OR2J3: variants seen among roughly 807,000 people sequenced by gnomAD.
The protein encoded by OR2J3 is olfactory receptor 2J3.
In OR2J3, 13 loss-of-function variants were observed where a neutral mutation model predicts 18.5. The observed-to-expected ratio is 0.70, with a 90% CI of 0.46 to 1.12. The LOEUF (loss-of-function observed/expected upper bound fraction) is 1.12. Ranked by LOEUF, OR2J3 falls within the 50% of genes most tolerant of loss-of-function variation. The probability of loss-of-function intolerance (pLI) is 0.00; values close to 1 mark genes in which losing one functional copy is unlikely to be tolerated. For synonymous variants in OR2J3, 142 were observed against 140.6 expected, an observed-to-expected ratio of 1.01 and a Z score of -0.07; for missense variants, 321 against 371.6, an observed-to-expected ratio of 0.86 and a Z score of 1.12.
At position 29,112,456 on chromosome 6, in the gene OR2J3, G is replaced by A. The variant is rs754215512; in HGVS notation, c.566G>A (p.Arg189Gln). 8.7e-6 allele frequency: 14 copies of A among 1,614,058 alleles called. No individual in the cohort carries two copies. The highest frequency in any genetic ancestry group is 1.7e-5 in the Admixed American group (1 of 60,008). The change falls in exon 4 of 4, where the codon CGA becomes CAA. Residue 189 changes from arginine to glutamine, a missense_variant. By Grantham distance (43) the Arg-to-Gln change is conservative. Transcript: ENST00000641151. ...HFFCEVPALLRLSCVDTHVNE... is the reference protein window; with the variant it reads ...HFFCEVPALLQLSCVDTHVNE... ...TTCTGTGAAGTTCCAGCACTTCTGC[G>A]ATTATCGTGTGTTGATACCCATGTC...
intron 3 of OR2J3, among the ~76,000 whole-genome samples, chr6:29,111,385 A>G (rs1762119794): frequency 6.6e-6 from 1 of 152,264 alleles, no homozygotes; most frequent in African/African-American, 2.4e-5. Context: ...CAGGCTCATG[A>G]TGTTGGTTTG....
In OR2J3 at chr6:29,112,888, T is replaced by C; in HGVS notation, c.*62T>C. 2.6e-6 allele frequency: 4 copies of C among 1,510,096 alleles called. No homozygotes were observed. Among genetic ancestry groups the C allele is most frequent in the Non-Finnish European group, 3.5e-6 (4 of 1,132,754 alleles). The allele number at this position is 1,510,096 out of a possible 1,614,324, so 93.5% of individuals were successfully genotyped here. On this transcript the variant is annotated 3_prime_UTR_variant, in exon 4 of 4. Transcript: ENST00000641151. ...CTCCCCTCACAATGATTCATCCTTC[T>C]ATTTATTTATCAACCATTCTTTTAT... is the stretch of plus-strand genomic sequence containing the variant.
Position 29,112,633 on chromosome 6 carries a change from T to A in OR2J3, c.743T>A (p.Leu248His), listed in dbSNP as rs751615695. ...QKVFGTCGAHLMAVSLFFIPA... is the reference protein window; with the variant it reads ...QKVFGTCGAHHMAVSLFFIPA... ...GTGTTTGGAACATGTGGAGCTCATC[T>A]TATGGCTGTATCTCTCTTTTTCATT... is the stretch of plus-strand genomic sequence containing the variant. Residue 248 changes from leucine to histidine, a missense_variant, in exon 4 of 4, where the codon CTT becomes CAT. Transcript: ENST00000641151. 6.2e-7 allele frequency: 1 copy of A among 1,614,134 alleles called. No homozygotes were observed. The highest frequency in any genetic ancestry group is 1.1e-5 in the South Asian group (1 of 91,082).
At position 29,112,001 on chromosome 6, in the gene OR2J3, C is replaced by G. The variant is rs773667010; in HGVS notation, c.111C>G (p.Phe37Leu). The change falls in exon 4 of 4, where the codon TTC becomes TTG. Residue 37 changes from phenylalanine (F) to leucine (L), a missense_variant. Physicochemically the swap from Phe to Leu is conservative, Grantham distance 22. Transcript: ENST00000641151. ...TTATCTTTGTGGTTGTCTTGATCTT[C>G]TACTTGATGACACTGATAGGAAACC... ...EVVIFVVVLI[F>L]YLMTLIGNLF... 28 of 1,614,082 alleles carry G rather than the reference C, an allele frequency of 1.7e-5. No homozygotes were observed. In the Admixed American group the frequency reaches 4.7e-4, roughly 27 times the overall value.
rs1219798913 is a variant in OR2J3, at chr6:29,111,995, G to C, written c.105G>C (p.Leu35Phe). 6.2e-7 allele frequency: 1 copy of C among 1,614,014 alleles called. No homozygotes were observed. The change falls in exon 4 of 4, where the codon TTG becomes TTC. Residue 35 changes from leucine (L) to phenylalanine (F), a missense_variant. Transcript: ENST00000641151. ...AAGTAGTTATCTTTGTGGTTGTCTT[G>C]ATCTTCTACTTGATGACACTGATAG... ...HLEVVIFVVV[L>F]IFYLMTLIGN...
At position 29,112,510 on chromosome 6, in the gene OR2J3, C is replaced by G; in HGVS notation, c.620C>G (p.Ser207Cys). 1 of 1,614,134 alleles carries G rather than the reference C, an allele frequency of 6.2e-7. No homozygotes were observed. Among genetic ancestry groups the G allele is most frequent in the Non-Finnish European group, 8.5e-7 (1 of 1,180,014 alleles). ...GAGCTGACCCTCATGATCACAAGCT[C>G]CATATTTGTTCTCATACCTCTCATC... ...VNELTLMITS[S>C]IFVLIPLILI... The change falls in exon 4 of 4, where the codon TCC becomes TGC. Residue 207 changes from serine to cysteine, a missense_variant. Coordinates refer to ENST00000641151, the MANE Select transcript of OR2J3 (RefSeq NM_001005216.4).
Position 29,108,285 on chromosome 6 carries a change from T to A in OR2J3, c.-191T>A, listed in dbSNP as rs1404719522. 6.6e-6 allele frequency: 1 copy of A among 152,110 alleles called. No homozygotes were observed. The highest frequency in any genetic ancestry group is 6.6e-5 in the Admixed American group (1 of 15,260). 9.4% of individuals were successfully genotyped at this position (152,110 alleles called of 1,614,324 possible). A position where few individuals can be genotyped will look rare whatever the true frequency, so the allele number is the denominator to read the frequency against. On this transcript the variant is annotated 5_prime_UTR_variant, in exon 1 of 4. Transcript: ENST00000641151. Reference sequence around the variant, plus strand: ...GTGAAAGGCATTGTTTGAGTACTGCTTAAGTACTAGGTAATATATAAAGAA... The same window carrying A: ...GTGAAAGGCATTGTTTGAGTACTGCATAAGTACTAGGTAATATATAAAGAA...
Position 29,112,285 on chromosome 6 carries a change from C to A in OR2J3, c.395C>A (p.Pro132His), listed in dbSNP as rs1415254673. Reference sequence around the variant, plus strand: ...GACCGTTATGCAGCTGTGTGTAGACCTTTGCATTACACTGTCCTCATGCAC... The same window carrying A: ...GACCGTTATGCAGCTGTGTGTAGACATTTGCATTACACTGTCCTCATGCAC... ...SYDRYAAVCR[P>H]LHYTVLMHPR... The change falls in exon 4 of 4, where the codon CCT becomes CAT. Residue 132 changes from proline (P) to histidine (H), a missense_variant. By Grantham distance (77) the Pro-to-His change is moderately conservative. Coordinates refer to ENST00000641151, the MANE Select transcript of OR2J3 (RefSeq NM_001005216.4). 6.2e-7 allele frequency: 1 copy of A among 1,614,088 alleles called. No homozygotes were observed. Among genetic ancestry groups the A allele is most frequent in the South Asian group, 1.1e-5 (1 of 91,076 alleles).
At position 29,114,618 on chromosome 6, in the gene OR2J3, T is replaced by C. The variant is rs1004180857; in HGVS notation, c.*1792T>C. ...TGAGAACATTTAGGATCTATTATCT[T>C]AGCAGTTTTCAACTATGCAGTACAG... On this transcript the variant is annotated 3_prime_UTR_variant, in exon 4 of 4. Transcript: ENST00000641151. The C allele has an allele frequency of 1.3e-5, 2 of 152,196 alleles. No individual in the cohort carries two copies. The highest frequency in any genetic ancestry group is 4.8e-5 in the African/African-American group (2 of 41,448). The allele number at this position is 152,196 out of a possible 1,614,324, so 9.4% of individuals were successfully genotyped here.
At position 29,112,173 on chromosome 6, in the gene OR2J3, A is replaced by C. The variant is rs1201145263; in HGVS notation, c.283A>C (p.Ile95Leu). ...CAATCTCTGGGGCCCGGAAAAGACC[A>C]TCTCTTATGCTGGTTGCATGATTCA... ...LVNLWGPEKT[I>L]SYAGCMIQLY... is the part of the protein sequence containing the mutation. The change falls in exon 4 of 4, where the codon ATC (isoleucine) becomes CTC (leucine). Residue 95 changes from isoleucine to leucine, a missense_variant. By Grantham distance (5) the Ile-to-Leu change is conservative. Transcript: ENST00000641151. 3 of 1,614,046 alleles carry C rather than the reference A, an allele frequency of 1.9e-6. No homozygotes were observed. Among genetic ancestry groups the C allele is most frequent in the Middle Eastern group, 1.6e-4 (1 of 6,062 alleles).
rs199530615 is a variant in OR2J3, at chr6:29,112,430, T to C, written c.540T>C (p.Phe180=). Residue 180 remains phenylalanine (F), a synonymous_variant, in exon 4 of 4, where the codon TTT becomes TTC. Transcript: ENST00000641151. ...PLCGHRQVDH[F]FCEVPALLRL... ...GTGGACACCGCCAAGTAGATCACTT[T>C]TTCTGTGAAGTTCCAGCACTTCTGC... 4 of 1,614,016 alleles carry C rather than the reference T, an allele frequency of 2.5e-6. No homozygotes were observed. Among genetic ancestry groups the C allele is most frequent in the African/African-American group, 2.7e-5 (2 of 74,910 alleles).
In OR2J3 at chr6:29,112,542, C is replaced by G. The variant is rs983022123; in HGVS notation, c.652C>G (p.Leu218Val). 1.2e-5 allele frequency: 20 copies of G among 1,614,120 alleles called. No individual in the cohort carries two copies. The highest frequency in any genetic ancestry group is 1.7e-5 in the Non-Finnish European group (20 of 1,180,004). Residue 218 changes from leucine to valine, a missense_variant, in exon 4 of 4, where the codon CTC becomes GTC. Transcript: ENST00000641151. ...IFVLIPLILI[L>V]TSYGAIVRAI... ...TGTTCTCATACCTCTCATCCTCATT[C>G]TCACTTCTTATGGTGCCATCGTCCG...
rs200977978 is a variant in OR2J3, at chr6:29,112,746, C to T, written c.856C>T (p.Pro286Ser). The change falls in exon 4 of 4, where the codon CCT becomes TCT. Residue 286 changes from proline (P) to serine (S), a missense_variant. Physicochemically the swap from Pro to Ser is moderately conservative, Grantham distance 74. Coordinates refer to ENST00000641151, the MANE Select transcript of OR2J3 (RefSeq NM_001005216.4). ...TGCCCTCTTTTATACTGTTGTCACA[C>T]CTAGTCTTAACCCTCTAATCTACAC... ...FIALFYTVVT[P>S]SLNPLIYTLR... 4.6e-4 allele frequency: 741 copies of T among 1,613,542 alleles called. 1 individual carries two copies. Among genetic ancestry groups the T allele is most frequent in the Middle Eastern group, 3.5e-3 (21 of 6,062 alleles).
rs900650687 is a variant in OR2J3 at position 29,114,247 on chromosome 6, A to G, written c.*1421A>G. The G allele has an allele frequency of 6.6e-6, 1 of 152,152 alleles. No individual in the cohort carries two copies. The highest frequency in any genetic ancestry group is 1.5e-5 in the Non-Finnish European group (1 of 68,034). 9.4% of individuals were successfully genotyped at this position (152,152 alleles called of 1,614,324 possible). A position where few individuals can be genotyped will look rare whatever the true frequency, so the allele number is the denominator to read the frequency against. On this transcript the variant is annotated 3_prime_UTR_variant, in exon 4 of 4. Coordinates refer to ENST00000641151, the MANE Select transcript of OR2J3 (RefSeq NM_001005216.4). The stretch of plus-strand genomic sequence containing the variant: ...GCCCTTGTCCTTAACCTTACCCAAG[A>G]AGTGAAGAACCAAGAATAATGTATG...
Position 29,113,000 on chromosome 6 carries a change from C to A in OR2J3, c.*174C>A. The stretch of plus-strand genomic sequence containing the variant: ...ACAGGTAGGAATAAAACACAGTCAG[C>A]CTAAATACCATTCACTTGTGGAGAA... On this transcript the variant is annotated 3_prime_UTR_variant, in exon 4 of 4. Coordinates refer to ENST00000641151, the MANE Select transcript of OR2J3 (RefSeq NM_001005216.4). The A allele has an allele frequency of 8.8e-6, 6 of 683,092 alleles. No individual in the cohort carries two copies. The highest frequency in any genetic ancestry group is 8.8e-5 in the South Asian group (4 of 45,646). 42.3% of individuals were successfully genotyped at this position (683,092 alleles called of 1,614,324 possible). A position where few individuals can be genotyped will look rare whatever the true frequency, so the allele number is the denominator to read the frequency against.
Position 29,112,483 on chromosome 6 carries a change from A to G in OR2J3, c.593A>G (p.Asn198Ser), listed in dbSNP as rs374036908. 7.6e-5 allele frequency: 123 copies of G among 1,614,118 alleles called. 1 individual carries two copies. In the South Asian group the frequency reaches 1.2e-3, roughly 16 times the overall value. ...TTATCGTGTGTTGATACCCATGTCA[A>G]TGAGCTGACCCTCATGATCACAAGC... ...LRLSCVDTHV[N>S]ELTLMITSSI... The change falls in exon 4 of 4, where the codon AAT becomes AGT. Residue 198 changes from asparagine to serine, a missense_variant. Coordinates refer to ENST00000641151, the MANE Select transcript of OR2J3 (RefSeq NM_001005216.4).
rs774645170 is a variant in OR2J3 at position 29,111,882 on chromosome 6, T to C, written c.-9T>C. 8.8e-6 allele frequency: 14 copies of C among 1,597,506 alleles called. No individual in the cohort carries two copies. The Admixed American group carries it at 2.4e-4, about 28-fold the overall frequency. ...TTACCTTTCTTTTTTTTCTCTCAGG[T>C]AATAGGAAATGAATGATGATGGAAA... is the stretch of plus-strand genomic sequence containing the variant. On this transcript the variant is annotated splice_region_variant and 5_prime_UTR_variant, in exon 4 of 4. Transcript: ENST00000641151.
rs200706207 is a variant in OR2J3 at position 29,112,664 on chromosome 6, C to T, written c.774C>T (p.Ala258=). 2.0e-4 allele frequency: 321 copies of T among 1,613,962 alleles called. No individual in the cohort carries two copies. Among genetic ancestry groups the T allele is most frequent in the Middle Eastern group, 4.9e-4 (3 of 6,062 alleles). The change falls in exon 4 of 4, where the codon GCC becomes GCT. Residue 258 remains alanine (A), a synonymous_variant. Coordinates refer to ENST00000641151, the MANE Select transcript of OR2J3 (RefSeq NM_001005216.4). ...CTGTATCTCTCTTTTTCATTCCGGC[C>T]ATGTGCATGTATCTCCAGCCACCAT... is the stretch of plus-strand genomic sequence containing the variant. ...LMAVSLFFIP[A]MCMYLQPPSG...
chr6:29,112,830 T>G lies in OR2J3; in HGVS notation c.*4T>G, dbSNP rs1472150607. 2 of 1,604,074 alleles carry G rather than the reference T, an allele frequency of 1.2e-6. No individual in the cohort carries two copies. The highest frequency in any genetic ancestry group is 2.7e-5 in the African/African-American group (2 of 74,660). On this transcript the variant is annotated 3_prime_UTR_variant, in exon 4 of 4. Coordinates refer to ENST00000641151, the MANE Select transcript of OR2J3 (RefSeq NM_001005216.4). ...GAGACTAATGGGGTGGGAATGAGCC[T>G]GTGTATGTGTCATATTAACAATATA...
Sources: allele counts gnomAD v4.1 joint callset (sites outside exome capture counted in the v4.1 genomes callset), GRCh38; gene constraint gnomAD v4.1.1; transcripts MANE v1.5; gene names NCBI Gene and HGNC (gene_info 2026-07-23, HGNC 2026-07-21).